RELN: variants seen among roughly 807,000 people sequenced by gnomAD.
RELN encodes reelin.
A neutral mutation model predicts 427.6 loss-of-function variants in RELN; 108 were observed. The ratio of observed to expected loss-of-function variants is 0.25; its 90% CI spans 0.22 to 0.30. The LOEUF (loss-of-function observed/expected upper bound fraction) is 0.30, where lower values mean the gene tolerates loss of function less well. Among genes scored for constraint, RELN ranks in the 10% least tolerant of loss-of-function variants. The probability of loss-of-function intolerance (pLI) is 1.00; values close to 1 mark genes in which losing one functional copy is unlikely to be tolerated. For missense variants in RELN, 3,715 were observed against 4,302.8 expected, an observed-to-expected ratio of 0.86 and a Z score of 3.82; for synonymous variants, 1,524 against 1,513.4, an observed-to-expected ratio of 1.01 and a Z score of -0.16.
At chr7:103,793,552 C>T (rs1027121753) in intron 3 of RELN, among the ~76,000 whole-genome samples, 1 of 152,094 alleles carries the variant, frequency 6.6e-6, no homozygotes, top group African/African-American at 2.4e-5. Context: ...AGGTGATAGT[C>T]CTGGTGATTA....
intron 1 of RELN, among the ~76,000 whole-genome samples, chr7:103,986,568 G>C (rs999164260): frequency 3.7e-5 from 5 of 135,774 alleles, no homozygotes; most frequent in Admixed American, 1.7e-4. Context: ...CTGATCTACA[G>C]AAATGTTCTA....
At chr7:103,638,573 C>T (rs929453915) in intron 17 of RELN, among the ~76,000 whole-genome samples, 1 of 152,112 alleles carries the variant, frequency 6.6e-6, no homozygotes. Flanking sequence ...TGTGATTTTG[C>T]TCAAATTCAA....
rs560405215 is a variant in RELN at position 103,666,904 on chromosome 7, G to A, written c.1290-5377C>T. 7.8e-4 allele frequency among the ~76,000 whole-genome samples: 118 copies of A among 152,176 alleles called. 1 individual carries two copies. Among genetic ancestry groups the A allele is most frequent in the African/African-American group, 2.7e-3 (113 of 41,536 alleles). ...TTCAGGGTCCCGTATTTATACAAGAGTATCAGTTCTATCTGTCATCTGCCA... is the reference window on the plus strand; with the variant it reads ...TTCAGGGTCCCGTATTTATACAAGAATATCAGTTCTATCTGTCATCTGCCA... On this transcript the variant is annotated intron_variant, in intron 11 of 64. Coordinates refer to ENST00000428762, the MANE Select transcript of RELN (RefSeq NM_005045.4).
chr7:103,946,714 A>T (rs1030817251), intron 1 of RELN, among the ~76,000 whole-genome samples: 2 of 152,218 alleles, frequency 1.3e-5, no homozygotes, highest in Admixed American at 1.3e-4. Context: ...CTGGTTATGG[A>T]ATCCACAGTG....
intron 22 of RELN, among the ~76,000 whole-genome samples, chr7:103,607,168 A>G (rs988318366): frequency 1.3e-5 from 2 of 151,766 alleles, no homozygotes; most frequent in African/African-American, 4.8e-5. Flanking sequence ...TGGGTGCAGC[A>G]CACCAACATG....
rs935349359 is a variant in RELN at position 103,918,497 on chromosome 7, G to A, written c.227-1312C>T. ...ATGCTGTCTACATGGGTTATTTCCT[G>A]TTTCTTCTTTGCTCCCCTCAGATCC... On this transcript the variant is annotated intron_variant, in intron 1 of 64. Coordinates refer to ENST00000428762, the MANE Select transcript of RELN (RefSeq NM_005045.4). 2.6e-5 allele frequency among the ~76,000 whole-genome samples: 4 copies of A among 152,070 alleles called. No homozygotes were observed. In the East Asian group the frequency reaches 7.7e-4, roughly 29 times the overall value.
At chr7:103,759,990 C>CTTT (rs57019839) in intron 4 of RELN, among the ~76,000 whole-genome samples, 29 of 64,924 alleles carry the variant, frequency 4.5e-4, no homozygotes, top group Non-Finnish European at 5.7e-4. Context: ...CACAGTCATA[C>CTTT]TTTTTTTTTT....
intron 6 of RELN, among the ~76,000 whole-genome samples, chr7:103,749,016 A>G (rs188851008): frequency 6.6e-6 from 1 of 152,296 alleles, no homozygotes; most frequent in Admixed American, 6.5e-5. Flanking sequence ...TTTTGAAGGA[A>G]AGACTGGAGT....
At chr7:103,941,968 T>G (rs1308631204) in intron 1 of RELN, among the ~76,000 whole-genome samples, 1 of 151,078 alleles carries the variant, frequency 6.6e-6, no homozygotes, top group Non-Finnish European at 1.5e-5. Flanking sequence ...ATATAATAAA[T>G]TATATGTAAT....
At chr7:103,786,233 A>G (rs1563012496) in intron 3 of RELN, among the ~76,000 whole-genome samples, 1 of 152,030 alleles carries the variant, frequency 6.6e-6, no homozygotes, top group Non-Finnish European at 1.5e-5. Flanking sequence ...TATTCATACT[A>G]AGGAGAGATA....
intron 1 of RELN, among the ~76,000 whole-genome samples, chr7:103,972,052 G>A (rs560393315): frequency 2.6e-5 from 4 of 152,170 alleles, no homozygotes; most frequent in Admixed American, 6.5e-5. Context: ...CAGCCTGGGC[G>A]ACAGAGCGAG....
At chr7:103,656,184 C>T (rs1301106948) in intron 12 of RELN, among the ~76,000 whole-genome samples, 1 of 151,998 alleles carries the variant, frequency 6.6e-6, no homozygotes, top group Non-Finnish European at 1.5e-5. Context: ...CTTTTGATGA[C>T]CTAAATTAAT....
rs148592082 is a variant in RELN at position 103,942,623 on chromosome 7, A to T, written c.227-25438T>A. 7.0e-3 allele frequency among the ~76,000 whole-genome samples: 1,073 copies of T among 152,282 alleles called. 14 individuals are homozygous for T. The highest frequency in any genetic ancestry group is 0.024 in the African/African-American group (1,003 of 41,570). On this transcript the variant is annotated intron_variant, in intron 1 of 64. Coordinates refer to ENST00000428762, the MANE Select transcript of RELN (RefSeq NM_005045.4). Reference sequence around the variant, plus strand: ...AGATGGATGTTTAATAGGTATTCAAAGAATTCTTGGCTGGGTGTGGTGGCT... The same window carrying T: ...AGATGGATGTTTAATAGGTATTCAATGAATTCTTGGCTGGGTGTGGTGGCT...
At chr7:103,652,251 CTTT>C (rs554972597) in intron 14 of RELN, among the ~76,000 whole-genome samples, 2 of 139,948 alleles carry the variant, frequency 1.4e-5, no homozygotes, top group South Asian at 2.3e-4. Flanking sequence ...TTTTCAGTTG[CTTT>C]TTTTTTTTTT....
At chr7:103,852,072 G>C (rs1294373991) in intron 2 of RELN, among the ~76,000 whole-genome samples, 1 of 152,120 alleles carries the variant, frequency 6.6e-6, no homozygotes, top group African/African-American at 2.4e-5. Context: ...CAGCAAGATG[G>C]AACTTACCTG....
At chr7:103,903,272 G>GTA in intron 2 of RELN, among the ~76,000 whole-genome samples, 1 of 144,662 alleles carries the variant, frequency 6.9e-6, no homozygotes, top group East Asian at 2.2e-4. Flanking sequence ...TGATTCCTAA[G>GTA]TGTTTTTTTT....
intron 2 of RELN, among the ~76,000 whole-genome samples, chr7:103,865,415 C>T (rs192531553): frequency 6.6e-6 from 1 of 152,136 alleles, no homozygotes; most frequent in East Asian, 1.9e-4. Context: ...AGCATTACCT[C>T]GATACCAAAG....
chr7:103,822,078 A>G (rs911910295), intron 3 of RELN, among the ~76,000 whole-genome samples: 1 of 152,120 alleles, frequency 6.6e-6, no homozygotes, highest in Non-Finnish European at 1.5e-5. Context: ...TAAAACATCA[A>G]TATGCACTGA....
intron 42 of RELN, 89 bp from the exon 43 acceptor site, chr7:103,542,967 T>G: frequency 2.2e-6 from 3 of 1,340,320 alleles, no homozygotes; most frequent in Admixed American, 1.7e-5. Flanking sequence ...AAATGCATTA[T>G]GTAGTTTCAA....
Sources: gnomAD v4.1 joint callset for allele counts (sites outside exome capture counted in the v4.1 genomes callset) on GRCh38, gnomAD v4.1.1 for gene constraint, MANE v1.5 for transcripts, NCBI Gene and HGNC (gene_info 2026-07-23, HGNC 2026-07-21) for gene names.